Variants in ACOXL observed in about 807,000 individuals in gnomAD.
ACOXL encodes acyl-coenzyme A oxidase-like protein.
ACOXL carries 70 observed loss-of-function variants against 71.9 expected under a neutral mutation model. The ratio of observed to expected loss-of-function variants is 0.97; its 90% CI spans 0.80 to 1.19. The LOEUF (loss-of-function observed/expected upper bound fraction) is 1.19. Ranked by LOEUF, ACOXL falls within the 50% of genes most tolerant of loss-of-function variation. The pLI, the probability that ACOXL is intolerant of heterozygous loss-of-function variation, is 0.00. For synonymous variants in ACOXL, 253 were observed against 281.6 expected, an observed-to-expected ratio of 0.90 and a Z score of 1.02; for missense variants, 703 against 736.3, an observed-to-expected ratio of 0.95 and a Z score of 0.52.
chr2:111,096,156 G>T (rs1411971733), intron 17 of ACOXL, among the ~76,000 whole-genome samples: 2 of 152,018 alleles, frequency 1.3e-5, no homozygotes, highest in Non-Finnish European at 2.9e-5. Context: ...TTCTTCAGAT[G>T]CATCTAACAT....
At chr2:110,774,866 A>G (rs2105063017) in intron 2 of ACOXL, among the ~76,000 whole-genome samples, 1 of 152,372 alleles carries the variant, frequency 6.6e-6, no homozygotes, top group Admixed American at 6.5e-5. Context: ...AGCCAAAGCA[A>G]TCTTGGAAAA....
intron 17 of ACOXL, among the ~76,000 whole-genome samples, chr2:111,114,938 C>T (rs1361963020): frequency 6.6e-6 from 1 of 152,076 alleles, no homozygotes; most frequent in Non-Finnish European, 1.5e-5. Flanking sequence ...AGTGCTTCTG[C>T]TTTCTTTAAA....
At chr2:110,903,006 G>A (rs1316170883) in intron 10 of ACOXL, among the ~76,000 whole-genome samples, 27 of 152,242 alleles carry the variant, frequency 1.8e-4, no homozygotes, top group Non-Finnish European at 4.4e-5. Flanking sequence ...CACCTTGACG[G>A]TGGAGGAGGT....
intron 14 of ACOXL, among the ~76,000 whole-genome samples, chr2:111,020,876 A>G (rs1250169107): frequency 6.6e-6 from 1 of 152,232 alleles, no homozygotes. Flanking sequence ...CCTCTGTAAA[A>G]GCAGAATGTC....
At chr2:110,840,517 C>A (rs547833012) in intron 9 of ACOXL, among the ~76,000 whole-genome samples, 1 of 152,190 alleles carries the variant, frequency 6.6e-6, no homozygotes, top group South Asian at 2.1e-4. Flanking sequence ...AATAAATTTG[C>A]CCATTTTACA....
chr2:111,035,957 G>C (rs1036606433), intron 15 of ACOXL, among the ~76,000 whole-genome samples: 1 of 152,110 alleles, frequency 6.6e-6, no homozygotes, highest in Non-Finnish European at 1.5e-5. Context: ...TATCCCTACC[G>C]CCTCCTCAAA....
chr2:110,864,720 G>A (rs530610112), intron 10 of ACOXL, among the ~76,000 whole-genome samples: 1 of 152,218 alleles, frequency 6.6e-6, no homozygotes, highest in African/African-American at 2.4e-5. Flanking sequence ...TGTTTTTGGG[G>A]CTCTGTCGAA....
At chr2:111,117,503 C>T (rs963166248) in intron 17 of ACOXL, 113 bp from the exon 18 acceptor site, 2 of 1,123,358 alleles carry the variant, frequency 1.8e-6, no homozygotes, top group African/African-American at 3.1e-5. Context: ...CAAAGGGAAA[C>T]TAGTTTCCGG....
intron 9 of ACOXL, among the ~76,000 whole-genome samples, chr2:110,830,283 G>A (rs1217363398): frequency 6.6e-6 from 1 of 152,022 alleles, no homozygotes; most frequent in Non-Finnish European, 1.5e-5. Context: ...TTCTCTCTAT[G>A]TAATTATATA....
intron 14 of ACOXL, among the ~76,000 whole-genome samples, chr2:110,999,266 T>C (rs1300516724): frequency 2.0e-5 from 3 of 152,154 alleles, no homozygotes; most frequent in African/African-American, 7.2e-5. Flanking sequence ...CTTATAAGAA[T>C]ACTGTCGTAT....
At chr2:110,816,400 A>G (rs761429786) in intron 9 of ACOXL, among the ~76,000 whole-genome samples, 2 of 152,216 alleles carry the variant, frequency 1.3e-5, no homozygotes, top group South Asian at 2.1e-4. Flanking sequence ...TAAATGTATT[A>G]TTGGCCCTGG....
chr2:110,948,460 TG>T (rs1022864191), intron 12 of ACOXL, among the ~76,000 whole-genome samples: 2 of 152,102 alleles, frequency 1.3e-5, no homozygotes, highest in South Asian at 2.1e-4. Context: ...AGCCAACCCT[TG>T]GAACAGAGCC....
intron 14 of ACOXL, among the ~76,000 whole-genome samples, chr2:111,025,716 T>C (rs2064990436): frequency 6.6e-6 from 1 of 152,220 alleles, no homozygotes; most frequent in Admixed American, 6.5e-5. Flanking sequence ...TCCTTTATTA[T>C]ATGAGATTGC....
rs367895233 is a variant in ACOXL, at chr2:110,852,128, G to T, written c.788+10723G>T. 1.4e-4 allele frequency among the ~76,000 whole-genome samples: 22 copies of T among 152,322 alleles called. No homozygotes were observed. In the East Asian group the frequency reaches 3.5e-3, roughly 24 times the overall value. ...GGTGTTTGTGGCAGGTCTGCTGGGT[G>T]TGGGGAGGCACAGGGTTAACTACTG... On this transcript the variant is annotated intron_variant, in intron 10 of 17. Transcript: ENST00000439055.
At chr2:110,989,736 C>T (rs1252911220) in intron 13 of ACOXL, among the ~76,000 whole-genome samples, 1 of 152,132 alleles carries the variant, frequency 6.6e-6, no homozygotes, top group African/African-American at 2.4e-5. Flanking sequence ...TACCACTGAA[C>T]TGTACACTTA....
At chr2:111,039,803 G>C (rs1333649549) in intron 15 of ACOXL, among the ~76,000 whole-genome samples, 1 of 152,206 alleles carries the variant, frequency 6.6e-6, no homozygotes, top group East Asian at 1.9e-4. Flanking sequence ...GGACTTTGCA[G>C]TAGAGCTGGC....
chr2:111,040,650 C>T (rs1397332504), intron 15 of ACOXL, among the ~76,000 whole-genome samples: 1 of 152,164 alleles, frequency 6.6e-6, no homozygotes, highest in African/African-American at 2.4e-5. Flanking sequence ...GCAGGGTCCA[C>T]GCGGCTCCCC....
chr2:110,981,870 T>TGAGTATAGGG (rs1479547102), intron 12 of ACOXL, among the ~76,000 whole-genome samples: 1 of 152,162 alleles, frequency 6.6e-6, no homozygotes, highest in Non-Finnish European at 1.5e-5. Context: ...ATGTTCCCTA[T>TGAGTATAGGG]ACTCAATATA....
intron 14 of ACOXL, among the ~76,000 whole-genome samples, chr2:111,018,909 G>T (rs1442446088): frequency 2.0e-5 from 3 of 152,068 alleles, no homozygotes; most frequent in African/African-American, 7.2e-5. Flanking sequence ...TGGATTTTCC[G>T]CATACTATAC....
Sources: gnomAD v4.1 joint callset for allele counts (sites outside exome capture counted in the v4.1 genomes callset) on GRCh38, gnomAD v4.1.1 for gene constraint, MANE v1.5 for transcripts, NCBI Gene and HGNC (gene_info 2026-07-23, HGNC 2026-07-21) for gene names.